UBAP2: variants seen among roughly 807,000 people sequenced by gnomAD.
The protein encoded by UBAP2 is ubiquitin-associated protein 2.
In UBAP2, 75 loss-of-function variants were observed where a neutral mutation model predicts 139.6. The observed-to-expected ratio is 0.54, with a 90% CI of 0.45 to 0.65. The LOEUF (loss-of-function observed/expected upper bound fraction) is 0.65. UBAP2 is among the 30% of genes least tolerant of loss of function. The probability of loss-of-function intolerance (pLI) is 0.00; values close to 1 mark genes in which losing one functional copy is unlikely to be tolerated. For synonymous variants in UBAP2, 526 were observed against 526.2 expected (o/e 1.00, Z 0.01); for missense variants, 1,368 against 1,369.6 (o/e 1.00, Z 0.02).
At chr9:34,017,227 G>T in intron 1 of UBAP2, 38 bp from the exon 2 acceptor site, 1 of 967,266 alleles carries the variant, frequency 1.0e-6, no homozygotes, top group Non-Finnish European at 1.5e-6. Flanking sequence ...AACAATCATA[G>T]TAAAAGATAA....
chr9:34,003,450 C>G (rs943390489), intron 2 of UBAP2, among the ~76,000 whole-genome samples: 4 of 149,604 alleles, frequency 2.7e-5, no homozygotes, highest in Non-Finnish European at 4.4e-5. Flanking sequence ...CGACTCACTG[C>G]AACCTCCGCC....
intron 1 of UBAP2, among the ~76,000 whole-genome samples, chr9:34,045,386 T>A (rs1053496160): frequency 4.7e-5 from 7 of 149,768 alleles, no homozygotes; most frequent in African/African-American, 9.8e-5. Context: ...AAAAAAAAAA[T>A]TTTTTTTTGA....
At chr9:33,976,733 G>A (rs922050987) in intron 6 of UBAP2, among the ~76,000 whole-genome samples, 2 of 151,970 alleles carry the variant, frequency 1.3e-5, no homozygotes, top group African/African-American at 4.8e-5. Flanking sequence ...GCAGTGGCTC[G>A]TGGCTGTAAT....
At chr9:34,003,668 A>C (rs1793206801) in intron 2 of UBAP2, among the ~76,000 whole-genome samples, 1 of 151,854 alleles carries the variant, frequency 6.6e-6, no homozygotes, top group African/African-American at 2.4e-5. Context: ...TGCCCTCCCA[A>C]AGTGCTGGGA....
intron 6 of UBAP2, among the ~76,000 whole-genome samples, chr9:33,984,024 G>A (rs188922651): frequency 1.5e-4 from 23 of 151,976 alleles, no homozygotes; most frequent in African/African-American, 5.5e-4. Context: ...GTGCCTCAGC[G>A]TCCCGAGTAG....
chr9:33,965,660 A>G (rs1343503520), intron 8 of UBAP2, among the ~76,000 whole-genome samples: 3 of 152,214 alleles, frequency 2.0e-5, no homozygotes, highest in Non-Finnish European at 4.4e-5. Context: ...CTTTGACAAA[A>G]AACAATTAGC....
chr9:33,991,181 G>A (rs12375809), intron 4 of UBAP2, among the ~76,000 whole-genome samples: 19,980 of 152,134 alleles, frequency 0.13, 1,571 homozygotes, highest in South Asian at 0.33. Context: ...AGCTACTCAG[G>A]AGGCTGAGGC....
rs1012682673 is a variant in UBAP2, at chr9:33,971,382, G to A, written c.679+269C>T. Among the ~76,000 whole-genome samples the A allele has an allele frequency of 3.5e-4, 53 of 152,192 alleles. 1 individual carries two copies. Among genetic ancestry groups the A allele is most frequent in the Non-Finnish European group, 1.5e-5 (1 of 68,036 alleles). The stretch of plus-strand genomic sequence containing the variant: ...ATCTGTGACATACTTTGATCAGAGT[G>A]TGGGTTTGTGCTGATTTATGCCAAT... On this transcript the variant is annotated intron_variant, in intron 8 of 28. Transcript: ENST00000379238.
intron 3 of UBAP2, 185 bp from the exon 4 acceptor site, chr9:33,996,518 A>C: frequency 1.9e-6 from 1 of 523,696 alleles, no homozygotes; most frequent in Admixed American, 3.6e-5. Context: ...ATGTCTTTTC[A>C]CTAACACTGG....
chr9:34,034,566 C>T (rs1236963713), intron 1 of UBAP2, among the ~76,000 whole-genome samples: 1 of 152,128 alleles, frequency 6.6e-6, no homozygotes. Context: ...ACCCCACATC[C>T]TTATATGTCT....
intron 1 of UBAP2, among the ~76,000 whole-genome samples, chr9:34,024,673 G>A (rs549950538): frequency 7.2e-5 from 11 of 152,004 alleles, no homozygotes; most frequent in Non-Finnish European, 1.2e-4. Flanking sequence ...AAATTTTCCC[G>A]TATTAATTTT....
intron 2 of UBAP2, among the ~76,000 whole-genome samples, chr9:34,008,614 T>G (rs1216156435): frequency 1.8e-5 from 2 of 113,066 alleles, no homozygotes; most frequent in East Asian, 5.1e-4. Flanking sequence ...AGATTGTGTC[T>G]GGACTGCAAA....
chr9:33,939,189 C>CTTTTTTT (rs72150705), intron 16 of UBAP2, among the ~76,000 whole-genome samples: 94 of 78,584 alleles, frequency 1.2e-3, no homozygotes, highest in African/African-American at 1.4e-3. Context: ...TTTCCTATGT[C>CTTTTTTT]TTTTTTTTTT....
chr9:33,933,054 C>T (rs1481263369), intron 18 of UBAP2, among the ~76,000 whole-genome samples: 1 of 152,212 alleles, frequency 6.6e-6, no homozygotes, highest in Admixed American at 6.5e-5. Flanking sequence ...ACACAGGTAG[C>T]AACGCCACCC....
chr9:33,975,296 G>A (rs1828227169), intron 6 of UBAP2, among the ~76,000 whole-genome samples: 1 of 151,790 alleles, frequency 6.6e-6, no homozygotes, highest in Non-Finnish European at 1.5e-5. Context: ...GCCAGGCGTG[G>A]TGGCGCGCGC....
chr9:33,990,446 A>T (rs1040155524), intron 4 of UBAP2, among the ~76,000 whole-genome samples: 1 of 152,200 alleles, frequency 6.6e-6, no homozygotes, highest in South Asian at 2.1e-4. Flanking sequence ...ATGAACTCAC[A>T]TATTTAATTA....
intron 2 of UBAP2, among the ~76,000 whole-genome samples, chr9:34,014,216 G>C (rs1296637181): frequency 6.7e-6 from 1 of 150,256 alleles, no homozygotes; most frequent in Non-Finnish European, 1.5e-5. Flanking sequence ...AATCCCAGCT[G>C]CTGGGGAGGA....
chr9:34,038,143 GAAAA>G (rs78650365), intron 1 of UBAP2, among the ~76,000 whole-genome samples: 14,683 of 126,174 alleles, frequency 0.12, 943 homozygotes, highest in South Asian at 0.27. Context: ...TCCAGCCTGG[GAAAA>G]AAAAAAAAAA....
chr9:33,979,096 AT>A (rs899605514), intron 6 of UBAP2, among the ~76,000 whole-genome samples: 20 of 152,206 alleles, frequency 1.3e-4, no homozygotes, highest in Middle Eastern at 3.4e-3. Flanking sequence ...TTAGCTGGGC[AT>A]TGTGATGTGC....
Sources: gnomAD v4.1 joint callset for allele counts (sites outside exome capture counted in the v4.1 genomes callset) on GRCh38, gnomAD v4.1.1 for gene constraint, MANE v1.5 for transcripts, NCBI Gene and HGNC (gene_info 2026-07-23, HGNC 2026-07-21) for gene names.